KIAA1217: variants seen among roughly 807,000 people sequenced by gnomAD.
KIAA1217 encodes the protein KIAA1217, also known as sickle tail protein homolog.
Under a neutral mutation model 163.9 loss-of-function variants are expected in KIAA1217, and 88 were observed. That is an observed-to-expected ratio of 0.54 (90% CI 0.45 to 0.64). The LOEUF (loss-of-function observed/expected upper bound fraction) is 0.64. Among genes scored for constraint, KIAA1217 ranks in the 30% least tolerant of loss-of-function variants. KIAA1217 has a pLI of 0.00. For missense variants in KIAA1217, 2,372 were observed against 2,475.0 expected (o/e 0.96, Z 0.88); for synonymous variants, 903 against 923.1 (o/e 0.98, Z 0.39).
chr10:24,110,259 C>G (rs556504521), intron 2 of KIAA1217, among the ~76,000 whole-genome samples: 10 of 152,220 alleles, frequency 6.6e-5, no homozygotes, highest in Admixed American at 6.5e-4. Flanking sequence ...CAGCACAGAT[C>G]TTCAGAGTTC....
intron 1 of KIAA1217, among the ~76,000 whole-genome samples, chr10:23,906,795 G>T (rs1398635644): frequency 6.6e-6 from 1 of 152,032 alleles, no homozygotes; most frequent in Non-Finnish European, 1.5e-5. Flanking sequence ...CTTCCTGTCG[G>T]GCTGATGTAA....
intron 1 of KIAA1217, among the ~76,000 whole-genome samples, chr10:23,703,505 G>A (rs1039572938): frequency 6.6e-6 from 1 of 152,114 alleles, no homozygotes; most frequent in Admixed American, 6.5e-5. Flanking sequence ...CTGGCTCTCT[G>A]CAGGGGGAAA....
intron 1 of KIAA1217, among the ~76,000 whole-genome samples, chr10:23,716,297 A>T (rs932407875): frequency 1.3e-5 from 2 of 152,156 alleles, no homozygotes; most frequent in Non-Finnish European, 2.9e-5. Flanking sequence ...TATAGGGCTT[A>T]ATTTGGATCA....
chr10:23,905,687 T>C (rs1333823464), intron 1 of KIAA1217, among the ~76,000 whole-genome samples: 1 of 152,140 alleles, frequency 6.6e-6, no homozygotes, highest in Non-Finnish European at 1.5e-5. Context: ...GAGCCCATTC[T>C]TTAATGGAAA....
intron 1 of KIAA1217, among the ~76,000 whole-genome samples, chr10:23,961,689 A>T (rs1844826106): frequency 6.6e-6 from 1 of 152,238 alleles, no homozygotes; most frequent in Non-Finnish European, 1.5e-5. Context: ...CTAAGGTGGT[A>T]TATGAGTTTC....
intron 1 of KIAA1217, among the ~76,000 whole-genome samples, chr10:23,928,070 A>G (rs1217851359): frequency 6.6e-6 from 1 of 152,194 alleles, no homozygotes; most frequent in East Asian, 1.9e-4. Flanking sequence ...TAAAAGAAAC[A>G]ATGGCTAAGC....
intron 5 of KIAA1217, among the ~76,000 whole-genome samples, chr10:24,471,886 C>CAAAA (rs749624402): frequency 4.3e-5 from 2 of 46,936 alleles, no homozygotes; most frequent in Admixed American, 2.0e-4. Context: ...GACTCCATCT[C>CAAAA]AAAAAAAAAA....
At chr10:24,030,831 A>G (rs1008091029) in intron 2 of KIAA1217, among the ~76,000 whole-genome samples, 1 of 152,238 alleles carries the variant, frequency 6.6e-6, no homozygotes, top group Non-Finnish European at 1.5e-5. Context: ...TCTATATTGC[A>G]GCACATGTCA....
At chr10:24,187,403 C>T (rs1285258399) in intron 2 of KIAA1217, among the ~76,000 whole-genome samples, 1 of 152,196 alleles carries the variant, frequency 6.6e-6, no homozygotes, top group Non-Finnish European at 1.5e-5. Flanking sequence ...CAAAAAATGT[C>T]ACTGCTCTAT....
chr10:23,813,377 TG>T, intron 1 of KIAA1217, among the ~76,000 whole-genome samples: 1 of 152,110 alleles, frequency 6.6e-6, no homozygotes, highest in East Asian at 1.9e-4. Context: ...GCTATTTTTT[TG>T]TTTTGTGTCA....
intron 2 of KIAA1217, among the ~76,000 whole-genome samples, chr10:24,036,006 C>T (rs566886620): frequency 6.6e-6 from 1 of 152,308 alleles, no homozygotes; most frequent in East Asian, 1.9e-4. Flanking sequence ...GTGCGCATTA[C>T]CAGGTAGAGC....
chr10:23,783,049 G>C (rs1360142040), intron 1 of KIAA1217, among the ~76,000 whole-genome samples: 1 of 152,206 alleles, frequency 6.6e-6, no homozygotes, highest in Non-Finnish European at 1.5e-5. Context: ...AAGAAAGAAT[G>C]TGGAATTTTG....
At chr10:23,771,836 G>C (rs1834809205) in intron 1 of KIAA1217, among the ~76,000 whole-genome samples, 1 of 152,196 alleles carries the variant, frequency 6.6e-6, no homozygotes, top group Non-Finnish European at 1.5e-5. Context: ...TGCCCAGGGG[G>C]ACAAGGATAC....
At chr10:23,829,722 T>C (rs1838083507) in intron 1 of KIAA1217, among the ~76,000 whole-genome samples, 1 of 152,214 alleles carries the variant, frequency 6.6e-6, no homozygotes, top group Non-Finnish European at 1.5e-5. Flanking sequence ...ACTGACTGCC[T>C]TCTGTGTACT....
intron 2 of KIAA1217, among the ~76,000 whole-genome samples, chr10:24,261,281 T>C (rs1807887421): frequency 6.6e-6 from 1 of 151,994 alleles, no homozygotes; most frequent in Non-Finnish European, 1.5e-5. Context: ...GTGGATTACT[T>C]GAGGTCAGGC....
chr10:24,311,176 A>C (rs2042644457), intron 2 of KIAA1217, among the ~76,000 whole-genome samples: 1 of 152,192 alleles, frequency 6.6e-6, no homozygotes. Flanking sequence ...CCCCTGAATT[A>C]AAGGCTTTGT....
chr10:24,086,991 C>T (rs752191274), intron 2 of KIAA1217, among the ~76,000 whole-genome samples: 8 of 152,198 alleles, frequency 5.3e-5, no homozygotes, highest in Non-Finnish European at 8.8e-5. Flanking sequence ...CTTAGGTCAT[C>T]CTCATGCCCC....
intron 1 of KIAA1217, among the ~76,000 whole-genome samples, chr10:23,934,141 C>T (rs7088517): frequency 0.41 from 62,996 of 151,966 alleles, 16,388 homozygotes; most frequent in African/African-American, 0.74. Flanking sequence ...CCAACCCAAA[C>T]GCCTATCAGT....
intron 1 of KIAA1217, among the ~76,000 whole-genome samples, chr10:23,772,886 T>C (rs1381811066): frequency 6.6e-6 from 1 of 152,186 alleles, no homozygotes; most frequent in African/African-American, 2.4e-5. Context: ...TGAGATCAAG[T>C]GTAGTACACA....
Sources: allele counts gnomAD v4.1 joint callset (sites outside exome capture counted in the v4.1 genomes callset), GRCh38; gene constraint gnomAD v4.1.1; transcripts MANE v1.5; gene names NCBI Gene and HGNC (gene_info 2026-07-23, HGNC 2026-07-21).